The following ANKRD6 variants were observed in gnomAD, a reference collection of about 807,000 sequenced individuals.
ANKRD6 encodes ankyrin repeat domain-containing protein 6.
ANKRD6 carries 56 observed loss-of-function variants against 82.3 expected under a neutral mutation model. That is an observed-to-expected ratio of 0.68 (90% CI 0.55 to 0.85). The LOEUF is 0.85. Among genes scored for constraint, ANKRD6 ranks in the 40% least tolerant of loss-of-function variants. The pLI is 0.00. For synonymous variants in ANKRD6, 347 were observed against 352.1 expected (o/e 0.99, Z 0.16); for missense variants, 852 against 907.6 (o/e 0.94, Z 0.79).
chr6:89,470,439 C>T (rs1001404101), intron 1 of ANKRD6, among the ~76,000 whole-genome samples: 3 of 152,072 alleles, frequency 2.0e-5, no homozygotes, highest in South Asian at 4.1e-4. Flanking sequence ...GGCAACATAG[C>T]GAGACTCTTG....
intron 2 of ANKRD6, among the ~76,000 whole-genome samples, chr6:89,591,635 C>G (rs1230777760): frequency 2.0e-5 from 3 of 152,232 alleles, no homozygotes; most frequent in African/African-American, 4.8e-5. Flanking sequence ...TAGGGGCAGC[C>G]TCTTCTCCAA....
At chr6:89,602,927 G>A in intron 3 of ANKRD6, 102 bp from the exon 4 acceptor site, 1 of 951,340 alleles carries the variant, frequency 1.1e-6, no homozygotes, top group Non-Finnish European at 1.6e-6. Context: ...TCTGCTCTGT[G>A]TGGGGACGGG....
chr6:89,610,667 C>T (rs1388024008), intron 5 of ANKRD6, among the ~76,000 whole-genome samples: 7 of 152,076 alleles, frequency 4.6e-5, no homozygotes, highest in Non-Finnish European at 1.5e-5. Context: ...TTGCAGACAA[C>T]TTGAGAGTAG....
At chr6:89,546,334 A>G (rs756758818) in intron 1 of ANKRD6, among the ~76,000 whole-genome samples, 20 of 152,206 alleles carry the variant, frequency 1.3e-4, no homozygotes, top group Non-Finnish European at 2.5e-4. Context: ...AAATATATAT[A>G]CCAGTCAGAA....
In ANKRD6 at chr6:89,631,827, T is replaced by A. The variant is rs1807465583; in HGVS notation, c.*823T>A. 6.6e-6 allele frequency: 1 copy of A among 152,244 alleles called. No individual in the cohort carries two copies. Among genetic ancestry groups the A allele is most frequent in the African/African-American group, 2.4e-5 (1 of 41,464 alleles). The allele number at this position is 152,244 out of a possible 1,614,324, so 9.4% of individuals were successfully genotyped here. ...CTAATCAAACCCAATTATATCAGAA[T>A]ACCTTTCTGAATTTGAGATTTTTGC... is the stretch of plus-strand genomic sequence containing the variant. On this transcript the variant is annotated 3_prime_UTR_variant, in exon 16 of 16. Coordinates refer to ENST00000339746, the MANE Select transcript of ANKRD6 (RefSeq NM_001242809.2).
At chr6:89,455,166 T>A (rs1341451484) in intron 1 of ANKRD6, among the ~76,000 whole-genome samples, 2 of 151,544 alleles carry the variant, frequency 1.3e-5, no homozygotes, top group African/African-American at 2.4e-5. Context: ...TTTTTTTTTT[T>A]AATCTATGTG....
intron 1 of ANKRD6, among the ~76,000 whole-genome samples, chr6:89,474,023 A>T (rs1053202818): frequency 6.6e-6 from 1 of 152,158 alleles, no homozygotes; most frequent in Non-Finnish European, 1.5e-5. Context: ...AATGGCATAG[A>T]TGAAAGAGAA....
chr6:89,526,953 C>T (rs73490515), intron 1 of ANKRD6, among the ~76,000 whole-genome samples: 3,501 of 152,290 alleles, frequency 0.023, 62 homozygotes, highest in African/African-American at 0.052. Flanking sequence ...ATGATGCTCA[C>T]CTACATTGGG....
chr6:89,567,179 G>A, intron 2 of ANKRD6, 83 bp downstream of exon 2: 1 of 1,492,840 alleles, frequency 6.7e-7, no homozygotes, highest in South Asian at 1.3e-5. Context: ...GCTGTGTTTG[G>A]TTCACAGCTT....
intron 13 of ANKRD6, among the ~76,000 whole-genome samples, chr6:89,625,907 A>AT (rs1421398929): frequency 2.0e-5 from 3 of 151,806 alleles, no homozygotes; most frequent in Non-Finnish European, 2.9e-5. Context: ...TAATTTTTGT[A>AT]TTTTTTTGGT....
intron 1 of ANKRD6, among the ~76,000 whole-genome samples, chr6:89,552,383 TG>T (rs1352411475): frequency 6.6e-6 from 1 of 152,222 alleles, no homozygotes; most frequent in Non-Finnish European, 1.5e-5. Flanking sequence ...GATGGCCAGC[TG>T]TACCTGAAGT....
Position 89,499,158 on chromosome 6 carries a change from C to T in ANKRD6, c.-144+65783C>T, listed in dbSNP as rs77626297. On this transcript the variant is annotated intron_variant, in intron 1 of 15. Coordinates refer to ENST00000339746, the MANE Select transcript of ANKRD6 (RefSeq NM_001242809.2). The stretch of plus-strand genomic sequence containing the variant: ...CCTGTCTGGACCTGGATGTAACACC[C>T]GGATGTAGAGCAGCCTTTTTGAAAA... Among the ~76,000 whole-genome samples, 6 of 152,228 alleles carry T rather than the reference C, an allele frequency of 3.9e-5. No homozygotes were observed. The East Asian group carries it at 7.7e-4, about 20-fold the overall frequency.
chr6:89,613,587 G>A (rs1005371962), intron 6 of ANKRD6, among the ~76,000 whole-genome samples: 34 of 152,206 alleles, frequency 2.2e-4, no homozygotes, highest in Non-Finnish European at 1.6e-4. Context: ...TGGTTGTTCT[G>A]CACAGGCAGA....
At chr6:89,437,964 T>C (rs1420018880) in intron 1 of ANKRD6, among the ~76,000 whole-genome samples, 1 of 152,158 alleles carries the variant, frequency 6.6e-6, no homozygotes, top group Non-Finnish European at 1.5e-5. Context: ...CCTACTATTT[T>C]TGTATTTTTG....
intron 3 of ANKRD6, among the ~76,000 whole-genome samples, chr6:89,599,850 G>A (rs1796702833): frequency 6.6e-6 from 1 of 152,120 alleles, no homozygotes; most frequent in African/African-American, 2.4e-5. Flanking sequence ...AGCACAGCTA[G>A]CAGTACAGCC....
At chr6:89,546,101 C>G (rs534340374) in intron 1 of ANKRD6, among the ~76,000 whole-genome samples, 6 of 152,098 alleles carry the variant, frequency 3.9e-5, no homozygotes, top group African/African-American at 7.2e-5. Context: ...CCACTGCGCC[C>G]GGCCTTACTT....
chr6:89,500,533 G>A (rs1270827479), intron 1 of ANKRD6, among the ~76,000 whole-genome samples: 2 of 152,112 alleles, frequency 1.3e-5, no homozygotes, highest in African/African-American at 4.8e-5. Flanking sequence ...AAAACGAATA[G>A]TAACTGGAAT....
intron 1 of ANKRD6, among the ~76,000 whole-genome samples, chr6:89,505,858 A>G (rs527473159): frequency 2.7e-4 from 41 of 152,372 alleles, no homozygotes; most frequent in African/African-American, 9.4e-4. Context: ...AATAAAGGAA[A>G]TGAACCCCAG....
chr6:89,595,232 G>A (rs992780907), intron 2 of ANKRD6, among the ~76,000 whole-genome samples: 5 of 152,136 alleles, frequency 3.3e-5, no homozygotes, highest in Non-Finnish European at 7.4e-5. Context: ...TGGTAGTGGT[G>A]TGCACCTGTA....
Sources: allele counts gnomAD v4.1 joint callset (sites outside exome capture counted in the v4.1 genomes callset), GRCh38; gene constraint gnomAD v4.1.1; transcripts MANE v1.5; gene names NCBI Gene and HGNC (gene_info 2026-07-23, HGNC 2026-07-21).